The following VPS13A variants were observed in gnomAD, a reference collection of about 807,000 sequenced individuals.
The protein encoded by VPS13A is vacuolar protein sorting 13 homolog A, also known as intermembrane lipid transfer protein VPS13A.
VPS13A carries 264 observed loss-of-function variants against 390.9 expected under a neutral mutation model. The ratio of observed to expected loss-of-function variants is 0.68; its 90% CI spans 0.61 to 0.75. The LOEUF is 0.75. Ranked by LOEUF, VPS13A falls within the 30% of genes least tolerant of loss-of-function variation. The probability of loss-of-function intolerance (pLI) is 0.00; values close to 1 mark genes in which losing one functional copy is unlikely to be tolerated. For synonymous variants in VPS13A, 1,231 were observed against 1,227.1 expected (o/e 1.00, Z -0.07); for missense variants, 3,409 against 3,733.9 (o/e 0.91, Z 2.27).
In VPS13A at chr9:77,313,356, T is replaced by C. The variant is rs557150233; in HGVS notation, c.4115-636T>C. On this transcript the variant is annotated intron_variant, in intron 35 of 71. Coordinates refer to ENST00000360280, the MANE Select transcript of VPS13A (RefSeq NM_033305.3). ...GTGACTATGTGGAAATATACACTTA[T>C]CAAATTTCATCAAATAGTTCATATA... Among the ~76,000 whole-genome samples, 11 of 152,302 alleles carry C rather than the reference T, an allele frequency of 7.2e-5. No homozygotes were observed. In the East Asian group the frequency reaches 1.9e-3, roughly 27 times the overall value.
At chr9:77,287,286 G>C (rs1306823860) in intron 31 of VPS13A, among the ~76,000 whole-genome samples, 4 of 148,828 alleles carry the variant, frequency 2.7e-5, no homozygotes, top group African/African-American at 7.5e-5. Flanking sequence ...CTGCAGCCTC[G>C]ACCTTCCCTG....
intron 52 of VPS13A, among the ~76,000 whole-genome samples, chr9:77,347,564 C>T (rs1831222567): frequency 6.6e-6 from 1 of 152,104 alleles, no homozygotes; most frequent in Admixed American, 6.5e-5. Context: ...GCAGCCTCCA[C>T]CTTCCAGGCT....
rs267602284 is a variant in VPS13A, at chr9:77,359,386, C to G, written c.8089C>G (p.Gln2697Glu). The G allele has an allele frequency of 6.2e-7, 1 of 1,612,840 alleles. No homozygotes were observed. The highest frequency in any genetic ancestry group is 8.5e-7 in the Non-Finnish European group (1 of 1,179,188). Reference protein sequence around the residue: ...SIVMRSAGHSQISRIKYFKVL... With the variant: ...SIVMRSAGHSEISRIKYFKVL... The stretch of plus-strand genomic sequence containing the variant: ...TGTCATGAGATCTGCAGGACATTCC[C>G]AGATATCACGTATTAAGTAAGTGTC... The change falls in exon 58 of 72, where the codon CAG (glutamine) becomes GAG (glutamate). Residue 2697 changes from glutamine (Q) to glutamate (E), a missense_variant. Physicochemically the swap from Gln to Glu is conservative, Grantham distance 29. This residue lies in a region of VPS13A where 221 missense variants were observed against 300.7 expected (regional missense o/e 0.73). Transcript: ENST00000360280.
chr9:77,402,033 C>G (rs1446389099), intron 68 of VPS13A, among the ~76,000 whole-genome samples: 1 of 152,134 alleles, frequency 6.6e-6, no homozygotes, highest in African/African-American at 2.4e-5. Flanking sequence ...AGGAACATAT[C>G]CCCCTGCAGA....
In VPS13A at chr9:77,419,448, GCACCGGC is replaced by G. The variant is rs1835278135; in HGVS notation, c.*3445_*3451del. On this transcript the variant is annotated 3_prime_UTR_variant, in exon 72 of 72. Coordinates refer to ENST00000360280, the MANE Select transcript of VPS13A (RefSeq NM_033305.3). ...AAAGCTTGAAAGACTGCTGCAGGAGGCACCGGCCATCCAGTGATTGTTGGAAGAGTCT... is the reference window on the plus strand; with the variant it reads ...AAAGCTTGAAAGACTGCTGCAGGAGGCATCCAGTGATTGTTGGAAGAGTCT... The G allele has an allele frequency of 6.6e-6, 1 of 152,154 alleles. No homozygotes were observed. The highest frequency in any genetic ancestry group is 2.4e-5 in the African/African-American group (1 of 41,432). The allele number at this position is 152,154 out of a possible 1,614,324, so 9.4% of individuals were successfully genotyped here. A position where few individuals can be genotyped will look rare whatever the true frequency, so the allele number is the denominator to read the frequency against.
chr9:77,193,410 G>T (rs1473916985), intron 1 of VPS13A, among the ~76,000 whole-genome samples: 1 of 152,132 alleles, frequency 6.6e-6, no homozygotes, highest in African/African-American at 2.4e-5. Flanking sequence ...GAGGCGGGCG[G>T]ATCACTTGAG....
chr9:77,269,657 T>G (rs1273167950), intron 23 of VPS13A, among the ~76,000 whole-genome samples: 1 of 152,214 alleles, frequency 6.6e-6, no homozygotes, highest in Non-Finnish European at 1.5e-5. Flanking sequence ...ATGGTATATC[T>G]CTCCATTTGC....
intron 68 of VPS13A, chr9:77,383,059 T>G: frequency 1.0e-6 from 1 of 980,566 alleles, no homozygotes; most frequent in Non-Finnish European, 1.2e-6. Flanking sequence ...AGCAATAAAC[T>G]GTTGGAATAT....
intron 46 of VPS13A, among the ~76,000 whole-genome samples, chr9:77,332,814 A>C (rs1456184469): frequency 6.6e-6 from 1 of 152,192 alleles, no homozygotes; most frequent in African/African-American, 2.4e-5. Flanking sequence ...ATTTTAGAAT[A>C]CACACTAGAA....
At chr9:77,316,550 A>G in intron 39 of VPS13A, 144 bp downstream of exon 39, 1 of 670,596 alleles carries the variant, frequency 1.5e-6, no homozygotes, top group Non-Finnish European at 2.6e-6. Context: ...TTAATTTAGA[A>G]TATTATTTAC....
intron 23 of VPS13A, among the ~76,000 whole-genome samples, chr9:77,271,708 G>A (rs901456130): frequency 4.6e-5 from 7 of 151,784 alleles, no homozygotes. Flanking sequence ...GGCATTTTAG[G>A]GAATAGAACG....
chr9:77,413,479 A>G (rs1414346460), intron 71 of VPS13A, among the ~76,000 whole-genome samples: 35 of 152,348 alleles, frequency 2.3e-4, no homozygotes, highest in Non-Finnish European at 7.3e-5. Flanking sequence ...TGACAAAAAC[A>G]AGAAATGGGG....
chr9:77,316,265 T>G lies in VPS13A; in HGVS notation c.4722T>G (p.Ala1574=), dbSNP rs1213077949. The G allele has an allele frequency of 6.2e-7, 1 of 1,613,280 alleles. No homozygotes were observed. Among genetic ancestry groups the G allele is most frequent in the Middle Eastern group, 1.7e-4 (1 of 6,056 alleles). The part of the protein sequence containing the change: ...VFVADMTKND[A]PALVITTQCE... ...TAGCTGACATGACAAAAAATGATGC[T>G]CCTGCTTTAGTCATTACAACACAAT... The change falls in exon 39 of 72, where the codon GCT becomes GCG. Residue 1574 remains alanine, a synonymous_variant. Coordinates refer to ENST00000360280, the MANE Select transcript of VPS13A (RefSeq NM_033305.3).
At chr9:77,345,201 GT>G (rs1238165107) in intron 52 of VPS13A, 59 bp downstream of exon 52, 15 of 1,551,528 alleles carry the variant, frequency 9.7e-6, no homozygotes, top group African/African-American at 1.4e-5. Context: ...ATGAGGCACA[GT>G]TTTTTTTGAT....
Position 77,346,757 on chromosome 9 carries a change from A to G in VPS13A, c.7289+1615A>G, listed in dbSNP as rs563500890. On this transcript the variant is annotated intron_variant, in intron 52 of 71. Transcript: ENST00000360280. ...CTACATGTGGCTTGCCCACGATCCC[A>G]GTACCATTTGAATAGGAGATAGTCA... Among the ~76,000 whole-genome samples the G allele has an allele frequency of 2.0e-5, 3 of 152,360 alleles. No homozygotes were observed. In the South Asian group the frequency reaches 6.2e-4, roughly 32 times the overall value.
intron 63 of VPS13A, 78 bp downstream of exon 63, chr9:77,369,490 G>A: frequency 1.0e-6 from 1 of 980,522 alleles, no homozygotes; most frequent in Non-Finnish European, 1.6e-6. Context: ...TTGTTAAGTT[G>A]AGTTAATAAG....
intron 45 of VPS13A, among the ~76,000 whole-genome samples, chr9:77,331,116 A>G (rs1258411846): frequency 2.7e-5 from 4 of 148,252 alleles, no homozygotes; most frequent in African/African-American, 5.1e-5. Flanking sequence ...TCTATTATTG[A>G]GATTGTTTTC....
rs1835338165 is a variant in VPS13A at position 77,421,500 on chromosome 9, C to T, written c.*5494C>T. On this transcript the variant is annotated 3_prime_UTR_variant, in exon 72 of 72. Transcript: ENST00000360280. ...ATGGTAAGATGACTGCCCATTTTCA[C>T]CATGTATACCTTTGTCAAATAAAGA... The T allele has an allele frequency of 6.6e-6, 1 of 152,134 alleles. No homozygotes were observed. Among genetic ancestry groups the T allele is most frequent in the Non-Finnish European group, 1.5e-5 (1 of 68,030 alleles). The allele number at this position is 152,134 out of a possible 1,614,324, so 9.4% of individuals were successfully genotyped here.
intron 1 of VPS13A, among the ~76,000 whole-genome samples, chr9:77,198,903 TC>T: frequency 6.6e-6 from 1 of 152,166 alleles, no homozygotes; most frequent in Non-Finnish European, 1.5e-5. Flanking sequence ...CTTCAGGTGA[TC>T]CACCTGCCTC....
Sources: gnomAD v4.1 joint callset for allele counts (sites outside exome capture counted in the v4.1 genomes callset) on GRCh38, gnomAD v4.1.1 for gene constraint, gnomAD v4.1.1 regional missense constraint, MANE v1.5 for transcripts, NCBI Gene and HGNC (gene_info 2026-07-23, HGNC 2026-07-21) for gene names.